Variants in SPCS2 observed in about 807,000 individuals in gnomAD.
SPCS2 encodes the protein signal peptidase complex subunit 2, also known as SPase 25 kDa subunit.
In SPCS2, 3 loss-of-function variants were observed where a neutral mutation model predicts 22.3. That is an observed-to-expected ratio of 0.13 (90% confidence interval 0.06 to 0.35). The LOEUF is 0.35. Among genes scored for constraint, SPCS2 ranks in the 10% least tolerant of loss-of-function variants. The pLI, the probability that SPCS2 is intolerant of heterozygous loss-of-function variation, is 1.00. For missense variants in SPCS2, 169 were observed against 280.9 expected (o/e 0.60, Z 2.85); for synonymous variants, 67 against 97.2 (o/e 0.69, Z 1.83).
At chr11:74,973,045 A>C (rs1354026115) in intron 4 of SPCS2, among the ~76,000 whole-genome samples, 1 of 152,120 alleles carries the variant, frequency 6.6e-6, no homozygotes, top group Non-Finnish European at 1.5e-5. Context: ...AGGAAGGGGA[A>C]CATCCCTTCT....
chr11:74,969,232 GAAAT>G (rs1163236561), intron 3 of SPCS2, among the ~76,000 whole-genome samples: 1 of 152,114 alleles, frequency 6.6e-6, no homozygotes, highest in Non-Finnish European at 1.5e-5. Flanking sequence ...TTTTTATAAA[GAAAT>G]AAGCACTATT....
chr11:74,965,121 C>A lies in SPCS2; in HGVS notation c.198+4C>A. 1 of 1,547,400 alleles carries A rather than the reference C, an allele frequency of 6.5e-7. No individual in the cohort carries two copies. The highest frequency in any genetic ancestry group is 8.7e-7 in the Non-Finnish European group (1 of 1,143,470). On this transcript the variant is annotated splice_donor_region_variant and intron_variant, in intron 2 of 4. Transcript: ENST00000263672. Reference sequence around the variant, plus strand: ...TTTGGATGATTCTGCCAAAAAGGTACTTTCTTGAGGAGGGGTTGGTTAGTA... The same window carrying A: ...TTTGGATGATTCTGCCAAAAAGGTAATTTCTTGAGGAGGGGTTGGTTAGTA...
chr11:74,976,468 T>A (rs529041757), intron 4 of SPCS2, among the ~76,000 whole-genome samples: 33 of 152,308 alleles, frequency 2.2e-4, no homozygotes, highest in African/African-American at 7.2e-4. Context: ...CAGAAAAGTT[T>A]ATGCCCAAGT....
At chr11:74,962,301 AT>A (rs1948519153) in intron 1 of SPCS2, among the ~76,000 whole-genome samples, 2 of 152,198 alleles carry the variant, frequency 1.3e-5, no homozygotes, top group African/African-American at 4.8e-5. Context: ...GAGGGAATGT[AT>A]TTATATCAGT....
rs775180717 is a variant in SPCS2 at position 74,965,900 on chromosome 11, C to T, written c.336C>T (p.Pro112=). 5 of 1,610,722 alleles carry T rather than the reference C, an allele frequency of 3.1e-6. No individual in the cohort carries two copies. Among genetic ancestry groups the T allele is most frequent in the Non-Finnish European group, 3.4e-6 (4 of 1,178,994 alleles). The change falls in exon 3 of 5, where the codon CCC becomes CCT. Residue 112 remains proline, a synonymous_variant. Transcript: ENST00000263672. ...DYMHPFPESK[P]VLALCVISYF... ...TGCACCCCTTTCCAGAGTCCAAACC[C>T]GTTTTGGCTTTGTGTGTCATATCAT...
At chr11:74,976,296 A>T (rs487226) in intron 4 of SPCS2, among the ~76,000 whole-genome samples, 4 of 152,104 alleles carry the variant, frequency 2.6e-5, no homozygotes, top group Non-Finnish European at 1.5e-5. Context: ...TAGTGAAGAA[A>T]GTAGTACACA....
chr11:74,949,578 C>T lies in SPCS2; in HGVS notation c.114+179C>T, dbSNP rs753068751. On this transcript the variant is annotated intron_variant, in intron 1 of 4. Transcript: ENST00000263672. ...CCCTTGCCCTCATCACACTTCAAAC[C>T]TGGACCCGGTCCTCTTTAGAACTTC... The T allele has an allele frequency of 1.2e-5, 8 of 676,534 alleles. No homozygotes were observed. In the South Asian group the frequency reaches 1.2e-4, roughly 10 times the overall value. The allele number at this position is 676,534 out of a possible 1,614,324, so 41.9% of individuals were successfully genotyped here. A position where few individuals can be genotyped will look rare whatever the true frequency, so the allele number is the denominator to read the frequency against.
At chr11:74,951,528 CG>C (rs1220239411) in intron 1 of SPCS2, among the ~76,000 whole-genome samples, 1 of 151,778 alleles carries the variant, frequency 6.6e-6, no homozygotes, top group Non-Finnish European at 1.5e-5. Context: ...GTAAGAGCCT[CG>C]GCCGGGCGCA....
At chr11:74,950,252 A>G (rs1948375560) in intron 1 of SPCS2, among the ~76,000 whole-genome samples, 1 of 152,132 alleles carries the variant, frequency 6.6e-6, no homozygotes, top group Admixed American at 6.6e-5. Context: ...TGCTCTCTCT[A>G]TATCTGTTTT....
chr11:74,965,626 G>A, intron 2 of SPCS2, 137 bp from the exon 3 acceptor site: 1 of 669,634 alleles, frequency 1.5e-6, no homozygotes, highest in Non-Finnish European at 2.4e-6. Flanking sequence ...AGTTTTACTT[G>A]TTTGGTGTGG....
At position 74,952,410 on chromosome 11, in the gene SPCS2, T is replaced by A. The variant is rs557401903; in HGVS notation, c.114+3011T>A. ...ACATATTATAGGCTTGTTGTAAGGA[T>A]CAAATTGTATAGTGCTGGTAAATGT... On this transcript the variant is annotated intron_variant, in intron 1 of 4. Coordinates refer to ENST00000263672, the MANE Select transcript of SPCS2 (RefSeq NM_014752.3). 7.2e-5 allele frequency among the ~76,000 whole-genome samples: 11 copies of A among 152,326 alleles called. No homozygotes were observed. In the East Asian group the frequency reaches 7.7e-4, roughly 11 times the overall value.
chr11:74,964,666 T>C (rs1010441227), intron 1 of SPCS2, among the ~76,000 whole-genome samples: 1 of 152,200 alleles, frequency 6.6e-6, no homozygotes, highest in Non-Finnish European at 1.5e-5. Flanking sequence ...GAAGGTGGGA[T>C]ATACAAGTTT....
At chr11:74,955,851 A>T (rs867245988) in intron 1 of SPCS2, among the ~76,000 whole-genome samples, 7 of 55,598 alleles carry the variant, frequency 1.3e-4, no homozygotes, top group African/African-American at 2.8e-4. Flanking sequence ...TACTAATTAA[A>T]ATATATATAT....
At position 74,978,902 on chromosome 11, in the gene SPCS2, C is replaced by G. The variant is rs968921172; in HGVS notation, c.*1859C>G. The G allele has an allele frequency of 4.6e-5, 7 of 152,084 alleles. No homozygotes were observed. The highest frequency in any genetic ancestry group is 1.0e-4 in the Non-Finnish European group (7 of 68,012). The allele number at this position is 152,084 out of a possible 1,614,324, so 9.4% of individuals were successfully genotyped here. ...GCATGCAAACATGTGTCTCCACATA[C>G]ATTTTTTTTAACAAAAATTGAATTA... On this transcript the variant is annotated 3_prime_UTR_variant, in exon 5 of 5. Coordinates refer to ENST00000263672, the MANE Select transcript of SPCS2 (RefSeq NM_014752.3).
chr11:74,964,933 A>T, intron 1 of SPCS2, 101 bp from the exon 2 acceptor site: 1 of 725,226 alleles, frequency 1.4e-6, no homozygotes. Context: ...ACAAAGAGTA[A>T]ATATTATATG....
intron 1 of SPCS2, among the ~76,000 whole-genome samples, chr11:74,964,182 T>C (rs1948531187): frequency 6.6e-6 from 1 of 152,244 alleles, no homozygotes. Context: ...AGTAGCCTTG[T>C]ATTTCATTTC....
chr11:74,962,523 A>C (rs1183537337), intron 1 of SPCS2, among the ~76,000 whole-genome samples: 1 of 150,846 alleles, frequency 6.6e-6, no homozygotes, highest in Admixed American at 6.6e-5. Flanking sequence ...ATTTGCAATT[A>C]GTGTTGAGGA....
intron 1 of SPCS2, among the ~76,000 whole-genome samples, chr11:74,957,320 A>G (rs867206896): frequency 1.3e-5 from 2 of 152,240 alleles, no homozygotes; most frequent in African/African-American, 4.8e-5. Context: ...AAAGAAACCC[A>G]GAAAAGTCAT....
intron 1 of SPCS2, chr11:74,949,606 C>G (rs1320543059): frequency 1.6e-6 from 1 of 624,168 alleles, no homozygotes. Flanking sequence ...AGAACTTCTT[C>G]TTTTCTCGCA....
Sources: gnomAD v4.1 joint callset for allele counts (sites outside exome capture counted in the v4.1 genomes callset) on GRCh38, gnomAD v4.1.1 for gene constraint, MANE v1.5 for transcripts, NCBI Gene and HGNC (gene_info 2026-07-23, HGNC 2026-07-21) for gene names.